The following GRHL1 variants were observed in gnomAD, a reference collection of about 807,000 sequenced individuals.
GRHL1 encodes the protein grainyhead like transcription factor 1, also known as grainyhead-like protein 1 homolog.
GRHL1 carries 38 observed loss-of-function variants against 75.7 expected under a neutral mutation model. The observed-to-expected ratio is 0.50, with a 90% CI of 0.39 to 0.66. The LOEUF (loss-of-function observed/expected upper bound fraction) is 0.66, where lower values mean the gene tolerates loss of function less well. Among genes scored for constraint, GRHL1 ranks in the 30% least tolerant of loss-of-function variants. The probability of loss-of-function intolerance (pLI) is 0.00; values close to 1 mark genes in which losing one functional copy is unlikely to be tolerated. For synonymous variants in GRHL1, 266 were observed against 279.4 expected (o/e 0.95, Z 0.48); for missense variants, 589 against 767.5 (o/e 0.77, Z 2.75).
chr2:9,994,060 G>C (rs1378188080), intron 12 of GRHL1, among the ~76,000 whole-genome samples: 1 of 144,286 alleles, frequency 6.9e-6, no homozygotes, highest in Non-Finnish European at 1.5e-5. Flanking sequence ...AGTGGAGGGG[G>C]GCTGACGCTA....
At chr2:9,977,581 C>T (rs983335015) in intron 8 of GRHL1, among the ~76,000 whole-genome samples, 1 of 152,218 alleles carries the variant, frequency 6.6e-6, no homozygotes, top group African/African-American at 2.4e-5. Context: ...CTCGGCCTCC[C>T]AAAGTGCTGG....
chr2:9,984,737 AACCT>A (rs962216892), intron 8 of GRHL1, among the ~76,000 whole-genome samples: 1 of 152,038 alleles, frequency 6.6e-6, no homozygotes, highest in Non-Finnish European at 1.5e-5. Context: ...AGCCGGTGCT[AACCT>A]ACTGCACTTG....
chr2:9,991,641 G>C (rs1668646832), intron 10 of GRHL1, among the ~76,000 whole-genome samples: 1 of 152,230 alleles, frequency 6.6e-6, no homozygotes, highest in African/African-American at 2.4e-5. Flanking sequence ...ATTATTTAAT[G>C]AGGACAGCTG....
chr2:9,952,244 C>T (rs73913927), intron 1 of GRHL1, among the ~76,000 whole-genome samples: 38,764 of 152,076 alleles, frequency 0.25, 5,593 homozygotes, highest in African/African-American at 0.39. Context: ...CCCGGTCGGC[C>T]TCGGGAGCCT....
Position 9,992,206 on chromosome 2 carries a change from C to G in GRHL1, c.1461+60C>G, listed in dbSNP as rs1216517589. On this transcript the variant is annotated intron_variant, in intron 11 of 15. Coordinates refer to ENST00000324907, the MANE Select transcript of GRHL1 (RefSeq NM_198182.3). This position sits in a 1 kb window ranked among gnomAD's most constrained non-coding sequence, Gnocchi z 4.6. ...AAGGAAGGCATGGCAAAAGGAAATT[C>G]TTTGGCATTATTCATGGGAAACAGA... is the stretch of plus-strand genomic sequence containing the variant. 3 of 1,538,890 alleles carry G rather than the reference C, an allele frequency of 1.9e-6. No individual in the cohort carries two copies. The African/African-American group carries it at 4.1e-5, about 21-fold the overall frequency.
Position 9,978,556 on chromosome 2 carries a change from C to A in GRHL1, c.1111-7568C>A, listed in dbSNP as rs12623004. Among the ~76,000 whole-genome samples, 108 of 152,194 alleles carry A rather than the reference C, an allele frequency of 7.1e-4. 1 individual carries two copies. The highest frequency in any genetic ancestry group is 7.4e-5 in the Non-Finnish European group (5 of 68,002). On this transcript the variant is annotated intron_variant, in intron 8 of 15. Transcript: ENST00000324907. ...TTCCTGCCTTCACACTGCAGAGAACCATTGAAGGCTATTAGTGGTTTTTCC... is the reference window on the plus strand; with the variant it reads ...TTCCTGCCTTCACACTGCAGAGAACAATTGAAGGCTATTAGTGGTTTTTCC...
At position 9,969,842 on chromosome 2, in the gene GRHL1, CT is replaced by C. The variant is rs70948859; in HGVS notation, c.1110+4479del. On this transcript the variant is annotated intron_variant, in intron 8 of 15. Transcript: ENST00000324907. ...ATGACCTTCATGAATAGTTAGCACA[CT>C]TTTTTTTTTTTTTTTTTGAGATGGA... 8.9e-3 allele frequency among the ~76,000 whole-genome samples: 1,153 copies of C among 129,476 alleles called. 10 individuals carry two copies. Among genetic ancestry groups the C allele is most frequent in the Non-Finnish European group, 0.012 (737 of 62,770 alleles). 84.9% of individuals were successfully genotyped at this position (129,476 alleles called of 152,430 possible).
intron 8 of GRHL1, among the ~76,000 whole-genome samples, chr2:9,978,951 A>G (rs1370875733): frequency 6.6e-6 from 1 of 151,928 alleles, no homozygotes; most frequent in Non-Finnish European, 1.5e-5. Flanking sequence ...AGATCGCGCC[A>G]TTGCACTCCA....
At chr2:9,982,912 C>T (rs1022060152) in intron 8 of GRHL1, among the ~76,000 whole-genome samples, 1 of 152,172 alleles carries the variant, frequency 6.6e-6, no homozygotes, top group Non-Finnish European at 1.5e-5. Flanking sequence ...TAATCATAGA[C>T]GTCCAGAGGT....
intron 3 of GRHL1, chr2:9,959,755 T>C (rs1261824197): frequency 1.3e-5 from 2 of 152,276 alleles, no homozygotes; most frequent in African/African-American, 2.4e-5. Context: ...ACTTTGAGAT[T>C]AATTCATGTT....
At chr2:9,994,662 G>A (rs1263334233) in intron 12 of GRHL1, among the ~76,000 whole-genome samples, 1 of 152,128 alleles carries the variant, frequency 6.6e-6, no homozygotes, top group African/African-American at 2.4e-5. Flanking sequence ...GTTAGGAACT[G>A]AGGTGGCAGA....
chr2:9,984,564 T>C (rs1239789643), intron 8 of GRHL1, among the ~76,000 whole-genome samples: 4 of 152,214 alleles, frequency 2.6e-5, no homozygotes, highest in Non-Finnish European at 5.9e-5. Context: ...ACTCAGCTTA[T>C]TTTAACTTTT....
At chr2:9,980,290 A>C (rs1364661557) in intron 8 of GRHL1, among the ~76,000 whole-genome samples, 1 of 152,004 alleles carries the variant, frequency 6.6e-6, no homozygotes, top group Non-Finnish European at 1.5e-5. Flanking sequence ...AAATTCGTTC[A>C]AGATCTGATT....
At position 9,992,134 on chromosome 2, in the gene GRHL1, G is replaced by A. The variant is rs1325996302; in HGVS notation, c.1449G>A (p.Gln483=). 1.2e-6 allele frequency: 2 copies of A among 1,613,208 alleles called. No individual in the cohort carries two copies. Among genetic ancestry groups the A allele is most frequent in the Non-Finnish European group, 1.7e-6 (2 of 1,179,688 alleles). The stretch of plus-strand genomic sequence containing the variant: ...CTGACGTGCACTTTGCCAACTTGCA[G>A]CGGGGCACTCATGTAGGTAACCAGG... ...FIPDVHFANL[Q]RGTHVLPIAS... is the part of the protein sequence containing the mutation. The change falls in exon 11 of 16, where the codon CAG becomes CAA. Residue 483 remains glutamine (Q), a synonymous_variant. Transcript: ENST00000324907. The surrounding 1 kb of genome is among the most constrained non-coding windows in gnomAD (Gnocchi z 4.6).
Position 9,951,796 on chromosome 2 carries a change from A to C in GRHL1, c.-38A>C. 2 of 1,522,250 alleles carry C rather than the reference A, an allele frequency of 1.3e-6. No individual in the cohort carries two copies. The highest frequency in any genetic ancestry group is 1.8e-6 in the Non-Finnish European group (2 of 1,133,088). The allele number at this position is 1,522,250 out of a possible 1,614,324, so 94.3% of individuals were successfully genotyped here. On this transcript the variant is annotated 5_prime_UTR_variant, in exon 1 of 16. Transcript: ENST00000324907. This position sits in a 1 kb window ranked among gnomAD's most constrained non-coding sequence, Gnocchi z 4.2. ...ATCGGGTGTACTGTCCCAACCCGAA[A>C]GTCCAGTTCTGCGGCCCGGCAGCGG...
At chr2:9,988,168 G>A (rs1668501577) in intron 9 of GRHL1, among the ~76,000 whole-genome samples, 1 of 152,110 alleles carries the variant, frequency 6.6e-6, no homozygotes, top group African/African-American at 2.4e-5. Context: ...ATTTTGTCCT[G>A]AAATCTGGTT....
intron 8 of GRHL1, among the ~76,000 whole-genome samples, chr2:9,980,592 A>C (rs893971399): frequency 6.6e-6 from 1 of 152,174 alleles, no homozygotes; most frequent in South Asian, 2.1e-4. Context: ...TCTTCCAATA[A>C]TTTGGGTGGG....
In GRHL1 at chr2:9,990,197, G is replaced by A. The variant is rs1346222500; in HGVS notation, c.1270-499G>A. Among the ~76,000 whole-genome samples, 2 of 151,672 alleles carry A rather than the reference G, an allele frequency of 1.3e-5. No homozygotes were observed. Among genetic ancestry groups the A allele is most frequent in the Non-Finnish European group, 2.9e-5 (2 of 67,940 alleles). ...AGAGTTTCGCTTTGTCACCCAGGCT[G>A]GAGTGCAGTGGTGTGATCTCAGCTC... On this transcript the variant is annotated intron_variant, in intron 9 of 15. Transcript: ENST00000324907. The surrounding 1 kb of genome is among the most constrained non-coding windows in gnomAD (Gnocchi z 4.2).
At chr2:9,974,861 G>A (rs560153004) in intron 8 of GRHL1, among the ~76,000 whole-genome samples, 1 of 152,324 alleles carries the variant, frequency 6.6e-6, no homozygotes, top group African/African-American at 2.4e-5. Flanking sequence ...CATAAAGCCT[G>A]ACCTCAGAGG....
Sources: gnomAD v4.1 joint callset for allele counts (sites outside exome capture counted in the v4.1 genomes callset) on GRCh38, gnomAD v4.1.1 for gene constraint, Gnocchi (gnomAD v3.1) non-coding constraint, MANE v1.5 for transcripts, NCBI Gene and HGNC (gene_info 2026-07-23, HGNC 2026-07-21) for gene names.